ZNF500: variants seen among roughly 807,000 people sequenced by gnomAD.
ZNF500 encodes zinc finger protein with KRAB and SCAN domains 18.
ZNF500 carries 31 observed loss-of-function variants against 30.1 expected under a neutral mutation model. That is an observed-to-expected ratio of 1.03 (90% CI 0.77 to 1.39). The LOEUF (loss-of-function observed/expected upper bound fraction) is 1.39, where lower values mean the gene tolerates loss of function less well. Among genes scored for constraint, ZNF500 ranks in the 40% most tolerant of loss-of-function variants. ZNF500 has a pLI of 0.00. For synonymous variants in ZNF500, 392 were observed against 282.0 expected (o/e 1.39, Z -3.91); for missense variants, 817 against 657.8 (o/e 1.24, Z -2.65).
downstream of ZNF500, chr16:4,745,080 T>A: frequency 6.4e-7 from 1 of 1,550,604 alleles, no homozygotes; most frequent in East Asian, 2.3e-5. Flanking sequence ...TAGCACTGAC[T>A]GGGCCTACCA....
Position 4,752,553 on chromosome 16 carries a change from C to T in ZNF500, c.1266G>A (p.Ser422=), listed in dbSNP as rs374416499. The change falls in exon 6 of 6, where the codon TCG becomes TCA. Residue 422 remains serine, a synonymous_variant. Coordinates refer to ENST00000219478, the MANE Select transcript of ZNF500 (RefSeq NM_021646.4). ...TQCGKRFNNS[S]HFSAHRRTHT... Reference sequence around the variant, plus strand: ...GCGTCCGGCGGTGGGCGCTGAAGTGCGAGCTGTTGTTGAAGCGCTTCCCGC... The same window carrying T: ...GCGTCCGGCGGTGGGCGCTGAAGTGTGAGCTGTTGTTGAAGCGCTTCCCGC... 5.7e-6 allele frequency: 9 copies of T among 1,571,496 alleles called. No homozygotes were observed. Among genetic ancestry groups the T allele is most frequent in the East Asian group, 2.4e-5 (1 of 42,424 alleles).
At position 4,761,512 on chromosome 16, in the gene ZNF500, CACACACACACACACAT is replaced by C. The variant is rs1460315358; in HGVS notation, c.663+743_663+758del. ...ACACACACACACACACACACACACA[CACACACACACACACAT>C]ATAAAAATTATAAATAAATAAATAA... is the stretch of plus-strand genomic sequence containing the variant. On this transcript the variant is annotated intron_variant, in intron 4 of 5. Transcript: ENST00000219478. Among the ~76,000 whole-genome samples, 230 of 143,090 alleles carry C rather than the reference CACACACACACACACAT, an allele frequency of 1.6e-3. 2 individuals carry two copies. Among genetic ancestry groups the C allele is most frequent in the African/African-American group, 6.1e-3 (217 of 35,514 alleles). The allele number at this position is 143,090 out of a possible 152,430, so 93.9% of individuals were successfully genotyped here.
At position 4,752,947 on chromosome 16, in the gene ZNF500, G is replaced by A. The variant is rs1427550372; in HGVS notation, c.872C>T (p.Pro291Leu). 5 of 1,611,104 alleles carry A rather than the reference G, an allele frequency of 3.1e-6. No homozygotes were observed. Among genetic ancestry groups the A allele is most frequent in the Non-Finnish European group, 4.2e-6 (5 of 1,178,688 alleles). The change falls in exon 6 of 6, where the codon CCA becomes CTA. Residue 291 changes from proline to leucine, a missense_variant. Coordinates refer to ENST00000219478, the MANE Select transcript of ZNF500 (RefSeq NM_021646.4). ...CCTGACTGGGGCTGGCCTCTGACCT[G>A]GGAGCGGGTGGCCAGGCCCCTGGCA... ...ARCQGPGHPL[P>L]GQRPAPVRGL...
chr16:4,765,928 C>G lies in ZNF500; in HGVS notation c.51G>C (p.Leu17=), dbSNP rs759621317. Residue 17 remains leucine, a synonymous_variant, in exon 2 of 6, where the codon CTG becomes CTC. Coordinates refer to ENST00000219478, the MANE Select transcript of ZNF500 (RefSeq NM_021646.4). ...LQPLPTLEQD[L]EQEEILIVKV... is the part of the protein sequence containing the mutation. ...TCACAATCAGGATCTCTTCCTGTTC[C>G]AGGTCCTGCTCCAAGGTTGGCAGGG... 1 of 1,605,456 alleles carries G rather than the reference C, an allele frequency of 6.2e-7. No individual in the cohort carries two copies. Among genetic ancestry groups the G allele is most frequent in the Admixed American group, 1.7e-5 (1 of 58,602 alleles).
rs2082080823 is a variant in ZNF500 at position 4,751,825 on chromosome 16, T to G, written c.*551A>C. 7 of 601,298 alleles carry G rather than the reference T, an allele frequency of 1.2e-5. No individual in the cohort carries two copies. Among genetic ancestry groups the G allele is most frequent in the Non-Finnish European group, 2.0e-5 (7 of 348,402 alleles). 37.2% of individuals were successfully genotyped at this position (601,298 alleles called of 1,614,324 possible). A position where few individuals can be genotyped will look rare whatever the true frequency, so the allele number is the denominator to read the frequency against. ...CAGGAGGATGAGGCAGGAGGAACAC[T>G]TGAGCCCAGGGATTCGAGGCTGCAG... On this transcript the variant is annotated 3_prime_UTR_variant, in exon 6 of 6. Coordinates refer to ENST00000219478, the MANE Select transcript of ZNF500 (RefSeq NM_021646.4).
At chr16:4,766,839 C>G (rs976697172) in intron 1 of ZNF500, 178 bp downstream of exon 1, 6 of 152,284 alleles carry the variant, frequency 3.9e-5, no homozygotes, top group Non-Finnish European at 5.9e-5. Flanking sequence ...GTCACGACAG[C>G]CCCCCAATTC....
intron 5 of ZNF500, among the ~76,000 whole-genome samples, chr16:4,757,961 G>C (rs1459633525): frequency 2.7e-5 from 4 of 150,252 alleles, no homozygotes; most frequent in African/African-American, 9.8e-5. Context: ...GAGTGCAATG[G>C]CGTGATCTTG....
At position 4,762,339 on chromosome 16, in the gene ZNF500, G is replaced by A. The variant is rs758916757; in HGVS notation, c.599-4C>T. 2.8e-4 allele frequency: 445 copies of A among 1,603,538 alleles called. No homozygotes were observed. The highest frequency in any genetic ancestry group is 3.4e-4 in the Non-Finnish European group (405 of 1,175,306). On this transcript the variant is annotated splice_region_variant and splice_polypyrimidine_tract_variant and intron_variant, in intron 3 of 5. Transcript: ENST00000219478. ...TGATGCCGGGGAGCTGGAGGGCCTG[G>A]GAAGGAGCAGAGTCACCACCAGTCA...
rs1173861288 is a variant in ZNF500, at chr16:4,763,698, G to T, written c.415-942C>A. The T allele has an allele frequency of 3.0e-6, 3 of 984,450 alleles. No individual in the cohort carries two copies. The African/African-American group carries it at 5.3e-5, about 17-fold the overall frequency. 61.0% of individuals were successfully genotyped at this position (984,450 alleles called of 1,614,324 possible). A position where few individuals can be genotyped will look rare whatever the true frequency, so the allele number is the denominator to read the frequency against. ...GAGGCATGTGTGCAGAGGTGTCGGT[G>T]CAGTGACAGAAGGAAGCCATGCCGG... On this transcript the variant is annotated intron_variant, in intron 2 of 5. Transcript: ENST00000219478.
intron 5 of ZNF500, 43 bp from the exon 6 acceptor site, chr16:4,753,101 G>C (rs753610816): frequency 1.3e-6 from 2 of 1,497,602 alleles, no homozygotes; most frequent in Non-Finnish European, 8.8e-7. Context: ...CACAGCAAGA[G>C]GGCAAGGGAA....
chr16:4,751,531 C>T lies in ZNF500; in HGVS notation c.*845G>A. On this transcript the variant is annotated 3_prime_UTR_variant, in exon 6 of 6. Coordinates refer to ENST00000219478, the MANE Select transcript of ZNF500 (RefSeq NM_021646.4). ...TGGAATGCTGCAGAGCCCCGGGCTCCATTTGGAAACTCTGGCAGGATGAAG... is the reference window on the plus strand; with the variant it reads ...TGGAATGCTGCAGAGCCCCGGGCTCTATTTGGAAACTCTGGCAGGATGAAG... The T allele has an allele frequency of 2.0e-6, 3 of 1,522,310 alleles. No homozygotes were observed. Among genetic ancestry groups the T allele is most frequent in the Non-Finnish European group, 2.6e-6 (3 of 1,140,360 alleles). 94.3% of individuals were successfully genotyped at this position (1,522,310 alleles called of 1,614,324 possible).
At chr16:4,761,886 A>AAC (rs953434465) in intron 4 of ZNF500, among the ~76,000 whole-genome samples, 13 of 149,754 alleles carry the variant, frequency 8.7e-5, no homozygotes, top group African/African-American at 1.0e-4. Context: ...CAAACAAACA[A>AAC]AAACCCCAAA....
intron 5 of ZNF500, among the ~76,000 whole-genome samples, chr16:4,753,435 C>T (rs1198999270): frequency 6.6e-6 from 1 of 152,170 alleles, no homozygotes; most frequent in Non-Finnish European, 1.5e-5. Context: ...ACATTCCAGC[C>T]CGGGTGACGG....
chr16:4,765,558 C>T lies in ZNF500; in HGVS notation c.414+7G>A. 1.9e-6 allele frequency: 3 copies of T among 1,576,224 alleles called. No individual in the cohort carries two copies. The highest frequency in any genetic ancestry group is 2.6e-6 in the Non-Finnish European group (3 of 1,159,578). On this transcript the variant is annotated splice_region_variant and intron_variant, in intron 2 of 5. Coordinates refer to ENST00000219478, the MANE Select transcript of ZNF500 (RefSeq NM_021646.4). Reference sequence around the variant, plus strand: ...CCTCACCTGAGGGTCAAAATGCCCCCACTCACCCGCTGCCTGTGTTTCCTG... The same window carrying T: ...CCTCACCTGAGGGTCAAAATGCCCCTACTCACCCGCTGCCTGTGTTTCCTG...
rs199747131 is a variant in ZNF500 at position 4,765,648 on chromosome 16, G to A, written c.331C>T (p.Arg111Cys). 33 of 1,613,380 alleles carry A rather than the reference G, an allele frequency of 2.0e-5. No individual in the cohort carries two copies. Among genetic ancestry groups the A allele is most frequent in the Middle Eastern group, 1.6e-4 (1 of 6,074 alleles). Residue 111 changes from arginine (R) to cysteine (C), a missense_variant, in exon 2 of 6, where the codon CGC (arginine) becomes TGC (cysteine). Transcript: ENST00000219478. ...TCACCGCTCTCCGGCTGCTGCTCGC[G>A]TACCCGAGCCTGGATCTCCCCCGGC... ...VLPGEIQARVREQQPESGEEA... is the reference protein window; with the variant it reads ...VLPGEIQARVCEQQPESGEEA...
intron 5 of ZNF500, among the ~76,000 whole-genome samples, chr16:4,755,460 G>A (rs1338855061): frequency 6.6e-6 from 1 of 152,212 alleles, no homozygotes; most frequent in Middle Eastern, 3.4e-3. Flanking sequence ...GGGATTACAG[G>A]AGTGAGCCAC....
In ZNF500 at chr16:4,767,154, C is replaced by T. The variant is rs2082272611; in HGVS notation, c.-236G>A. 2 of 152,412 alleles carry T rather than the reference C, an allele frequency of 1.3e-5. No homozygotes were observed. Among genetic ancestry groups the T allele is most frequent in the Admixed American group, 1.3e-4 (2 of 15,312 alleles). The allele number at this position is 152,412 out of a possible 1,614,324, so 9.4% of individuals were successfully genotyped here. ...GAAGACCCTAAACCAGGGGTGCAAA[C>T]CAGGCCGTGCGGGTGGGCCCGCAGG... is the stretch of plus-strand genomic sequence containing the variant. On this transcript the variant is annotated 5_prime_UTR_variant, in exon 1 of 6. Coordinates refer to ENST00000219478, the MANE Select transcript of ZNF500 (RefSeq NM_021646.4).
downstream of ZNF500, chr16:4,747,363 A>G: frequency 6.3e-7 from 1 of 1,588,816 alleles, no homozygotes; most frequent in Non-Finnish European, 8.6e-7. Context: ...GGGAAAAGCC[A>G]GCTTCTCCAG....
intron 4 of ZNF500, among the ~76,000 whole-genome samples, chr16:4,761,478 TACACACACACACACACACACACAC>T (rs71139657): frequency 4.7e-4 from 61 of 129,824 alleles, no homozygotes; most frequent in African/African-American, 1.6e-3. Flanking sequence ...TACACATACA[TACACACACACACACACACACACAC>T]ACACACACAC....
Sources: allele counts gnomAD v4.1 joint callset (sites outside exome capture counted in the v4.1 genomes callset), GRCh38; gene constraint gnomAD v4.1.1; transcripts MANE v1.5; gene names NCBI Gene and HGNC (gene_info 2026-07-23, HGNC 2026-07-21).